RAD54L2: variants seen among roughly 807,000 people sequenced by gnomAD.
RAD54L2 encodes the protein helicase ARIP4.
A neutral mutation model predicts 138.4 loss-of-function variants in RAD54L2; 27 were observed. The observed-to-expected ratio is 0.20, with a 90% CI of 0.14 to 0.27. The LOEUF is 0.27. Among genes scored for constraint, RAD54L2 ranks in the 10% least tolerant of loss-of-function variants. The pLI is 1.00. For missense variants in RAD54L2, 1,396 were observed against 1,890.2 expected (o/e 0.74, Z 4.85); for synonymous variants, 644 against 723.2 (o/e 0.89, Z 1.76).
In RAD54L2 at chr3:51,645,938, G is replaced by A. The variant is rs751672148; in HGVS notation, c.2829+175G>A. ...CTCCCTTCCCACAACCACTTACCCC[G>A]TCCTCTAATCTGGTCCTGGGAGTGC... On this transcript the variant is annotated intron_variant, in intron 18 of 22. Transcript: ENST00000684192. The surrounding 1 kb of genome is among the most constrained non-coding windows in gnomAD (Gnocchi z 6.1). Among the ~76,000 whole-genome samples, 108 of 151,986 alleles carry A rather than the reference G, an allele frequency of 7.1e-4. No homozygotes were observed. Among genetic ancestry groups the A allele is most frequent in the African/African-American group, 2.4e-3 (101 of 41,348 alleles).
intron 3 of RAD54L2, among the ~76,000 whole-genome samples, 188 bp from the exon 4 acceptor site, chr3:51,627,365 C>CT (rs1292955528): frequency 6.6e-6 from 1 of 152,198 alleles, no homozygotes; most frequent in East Asian, 1.9e-4. Flanking sequence ...CACAATAGCT[C>CT]TGAGGTATGG....
intron 3 of RAD54L2, among the ~76,000 whole-genome samples, chr3:51,593,249 C>T (rs1450084488): frequency 6.6e-6 from 1 of 151,692 alleles, no homozygotes; most frequent in Admixed American, 6.6e-5. Flanking sequence ...TAGCTCACCC[C>T]AACAATTATC....
intron 3 of RAD54L2, among the ~76,000 whole-genome samples, chr3:51,605,448 A>AG (rs965759440): frequency 4.9e-5 from 4 of 82,444 alleles, no homozygotes; most frequent in African/African-American, 1.5e-4. Flanking sequence ...CTTGAATTTG[A>AG]GGGTTTTTTT....
chr3:51,578,320 G>T (rs2106682105), intron 2 of RAD54L2, among the ~76,000 whole-genome samples: 1 of 152,140 alleles, frequency 6.6e-6, no homozygotes, highest in South Asian at 2.1e-4. Context: ...GACATTCTAG[G>T]GAACAATGCT....
intron 3 of RAD54L2, among the ~76,000 whole-genome samples, chr3:51,608,657 T>A (rs1700259673): frequency 6.6e-6 from 1 of 152,140 alleles, no homozygotes; most frequent in Admixed American, 6.5e-5. Context: ...AAACCCCGTC[T>A]CCACCAAAAA....
intron 3 of RAD54L2, among the ~76,000 whole-genome samples, chr3:51,626,367 C>T (rs950776521): frequency 4.0e-5 from 6 of 149,878 alleles, no homozygotes; most frequent in Middle Eastern, 3.4e-3. Flanking sequence ...CACATGGATC[C>T]GCCTACTCCA....
At chr3:51,624,729 A>G (rs1016360224) in intron 3 of RAD54L2, among the ~76,000 whole-genome samples, 11 of 152,220 alleles carry the variant, frequency 7.2e-5, no homozygotes, top group Admixed American at 7.2e-4. Context: ...CTGAACCCCT[A>G]TGCCATGTTA....
chr3:51,605,648 C>T (rs1414107206), intron 3 of RAD54L2, among the ~76,000 whole-genome samples: 3 of 152,012 alleles, frequency 2.0e-5, no homozygotes, highest in Non-Finnish European at 4.4e-5. Context: ...GACAGGGTTT[C>T]ACCATGTTTG....
intron 2 of RAD54L2, among the ~76,000 whole-genome samples, chr3:51,571,797 A>G (rs866321375): frequency 3.9e-5 from 6 of 151,998 alleles, no homozygotes; most frequent in Admixed American, 3.3e-4. Flanking sequence ...ATTAACATCT[A>G]TTATTTTCCA....
intron 2 of RAD54L2, 189 bp downstream of exon 2, chr3:51,541,839 G>A (rs1698561505): frequency 1.3e-5 from 2 of 152,096 alleles, no homozygotes; most frequent in Non-Finnish European, 2.9e-5. Context: ...TAAAATCAAG[G>A]TATTTAAATA....
intron 10 of RAD54L2, 124 bp downstream of exon 10, chr3:51,635,913 A>G (rs1700973627): frequency 9.5e-7 from 1 of 1,048,898 alleles, no homozygotes; most frequent in Non-Finnish European, 1.3e-6. Context: ...TGGACCAAAA[A>G]TCCTGGTTCC....
At chr3:51,576,511 G>T (rs1327066658) in intron 2 of RAD54L2, among the ~76,000 whole-genome samples, 1 of 152,078 alleles carries the variant, frequency 6.6e-6, no homozygotes, top group African/African-American at 2.4e-5. Context: ...ATTAATTATT[G>T]CCTCAATTTC....
chr3:51,658,194 C>T lies in RAD54L2; in HGVS notation c.3316+525C>T, dbSNP rs527695538. On this transcript the variant is annotated intron_variant, in intron 21 of 22. Coordinates refer to ENST00000684192, the MANE Select transcript of RAD54L2 (RefSeq NM_015106.4). ...TGATCCGCCCACCTGGGCCTCCCAA[C>T]GTGCCGGGATTACAGGCGTGAGCCA... is the stretch of plus-strand genomic sequence containing the variant. Among the ~76,000 whole-genome samples the T allele has an allele frequency of 6.6e-5, 10 of 151,896 alleles. No homozygotes were observed. In the South Asian group the frequency reaches 1.5e-3, roughly 22 times the overall value.
chr3:51,543,601 T>TC (rs1207717567), intron 2 of RAD54L2, among the ~76,000 whole-genome samples: 1 of 126,950 alleles, frequency 7.9e-6, no homozygotes, highest in Admixed American at 8.6e-5. Flanking sequence ...AGAGCGAAAC[T>TC]CCATCTCAAA....
chr3:51,637,232 T>C lies in RAD54L2; in HGVS notation c.1411T>C (p.Cys471Arg). The C allele has an allele frequency of 6.3e-7, 1 of 1,597,186 alleles. No individual in the cohort carries two copies. Among genetic ancestry groups the C allele is most frequent in the Non-Finnish European group, 8.5e-7 (1 of 1,171,826 alleles). Residue 471 changes from cysteine (C) to arginine (R), a missense_variant, in exon 11 of 23, where the codon TGC becomes CGC. Cys to Arg is a radical substitution (Grantham distance 180, BLOSUM62 -3). Around this residue, in one of 7 missense-constraint regions of RAD54L2, gnomAD observed 169 missense variants for 235.6 expected, o/e 0.72. Coordinates refer to ENST00000684192, the MANE Select transcript of RAD54L2 (RefSeq NM_015106.4). The surrounding 1 kb of genome is among the most constrained non-coding windows in gnomAD (Gnocchi z 5.9). ...TGATGAGGGACACCGCATCAAAAAC[T>C]GCCAGGCCAGCACCTCACAGGCTCT... ...ICDEGHRIKN[C>R]QASTSQALKN...
chr3:51,609,053 G>A (rs750933216), intron 3 of RAD54L2, among the ~76,000 whole-genome samples: 47 of 152,200 alleles, frequency 3.1e-4, no homozygotes, highest in Non-Finnish European at 6.0e-4. Flanking sequence ...ACCACACTCG[G>A]CTAATATTTG....
At chr3:51,567,801 G>A (rs555142166) in intron 2 of RAD54L2, among the ~76,000 whole-genome samples, 5 of 151,820 alleles carry the variant, frequency 3.3e-5, no homozygotes, top group African/African-American at 9.7e-5. Flanking sequence ...TTTTCAGTAC[G>A]TCATATCCAA....
intron 16 of RAD54L2, 90 bp downstream of exon 16, chr3:51,644,064 A>G: frequency 1.0e-6 from 1 of 1,002,002 alleles, no homozygotes; most frequent in Non-Finnish European, 1.5e-6. Context: ...GTTCCCTCAG[A>G]AGAGATCAGC....
intron 2 of RAD54L2, among the ~76,000 whole-genome samples, chr3:51,554,959 C>A (rs577587777): frequency 3.9e-5 from 6 of 152,260 alleles, no homozygotes; most frequent in African/African-American, 1.4e-4. Context: ...TCTCTTGCTG[C>A]AGCCTTCTAA....
Sources: gnomAD v4.1 joint callset for allele counts (sites outside exome capture counted in the v4.1 genomes callset) on GRCh38, gnomAD v4.1.1 for gene constraint, gnomAD v4.1.1 regional missense constraint, Gnocchi (gnomAD v3.1) non-coding constraint, MANE v1.5 for transcripts, NCBI Gene and HGNC (gene_info 2026-07-23, HGNC 2026-07-21) for gene names.